Variants in DCAF8L2 observed in about 807,000 individuals in gnomAD.
DCAF8L2 encodes DDB1 and CUL4 associated factor 8 like 2.
For synonymous variants in DCAF8L2, 200 were observed against 190.9 expected (o/e 1.05, Z -0.39); for missense variants, 430 against 490.7 (o/e 0.88, Z 1.17).
the DCAF8L2 span, among the ~76,000 whole-genome samples, chrX:27,556,362 C>G: frequency 9.0e-6 from 1 of 111,480 alleles, no homozygotes; most frequent in African/African-American, 3.3e-5. Flanking sequence ...TATGTACCAG[C>G]ATTTCATTAA....
chrX:27,602,471 T>C (rs1926693859), intron 1 of DCAF8L2, among the ~76,000 whole-genome samples: 1 of 112,151 alleles, frequency 8.9e-6, no homozygotes, highest in Non-Finnish European at 1.9e-5. Context: ...AATATGATTC[T>C]AAGTCTCATA....
intron 3 of DCAF8L2, among the ~76,000 whole-genome samples, chrX:27,682,216 C>T (rs1039772115): frequency 1.6e-4 from 18 of 111,811 alleles, no homozygotes; most frequent in Non-Finnish European, 2.8e-4. Context: ...CCTCCTGCCT[C>T]GTCCTCCCAA....
At chrX:27,617,557 T>C (rs58662152) in intron 1 of DCAF8L2, among the ~76,000 whole-genome samples, 8,979 of 111,043 alleles carry the variant, frequency 0.081, 696 homozygotes, top group African/African-American at 0.24. Context: ...TCACAACATA[T>C]TTAAGAAAAT....
At chrX:27,537,636 T>A in the DCAF8L2 span, among the ~76,000 whole-genome samples, 1 of 112,267 alleles carries the variant, frequency 8.9e-6, no homozygotes, top group Non-Finnish European at 1.9e-5. Context: ...AATGCACTGA[T>A]GAAGGAACAT....
chrX:27,475,996 C>T, the DCAF8L2 span, among the ~76,000 whole-genome samples: 1 of 110,894 alleles, frequency 9.0e-6, no homozygotes. Context: ...TATAGGGGCA[C>T]ATGGGACAAC....
the DCAF8L2 span, among the ~76,000 whole-genome samples, chrX:27,542,202 T>G: frequency 9.0e-6 from 1 of 111,687 alleles, no homozygotes; most frequent in Admixed American, 9.5e-5. Context: ...TTTATTTTCC[T>G]TTGGCTATAT....
chrX:27,524,150 G>T, the DCAF8L2 span, among the ~76,000 whole-genome samples: 2 of 111,366 alleles, frequency 1.8e-5, no homozygotes, highest in Admixed American at 9.6e-5. Flanking sequence ...CTGTGAATCC[G>T]TCTGGTCCTG....
chrX:27,658,009 A>AT (rs1929416605), intron 2 of DCAF8L2, among the ~76,000 whole-genome samples: 1 of 112,441 alleles, frequency 8.9e-6, no homozygotes, highest in African/African-American at 3.2e-5. Flanking sequence ...TAATCCGTGC[A>AT]TTTTTTGTTG....
the DCAF8L2 span, among the ~76,000 whole-genome samples, chrX:27,502,787 T>G: frequency 9.0e-6 from 1 of 111,423 alleles, no homozygotes; most frequent in South Asian, 3.8e-4. Flanking sequence ...TTGGGAAAGA[T>G]ATTCAAGGGA....
At chrX:27,626,840 A>C in intron 1 of DCAF8L2, among the ~76,000 whole-genome samples, 1 of 111,678 alleles carries the variant, frequency 9.0e-6, no homozygotes, top group Non-Finnish European at 1.9e-5. Context: ...TAAGAGTCTA[A>C]AATTAAGTCT....
intron 3 of DCAF8L2, among the ~76,000 whole-genome samples, chrX:27,681,531 A>G (rs962482788): frequency 1.8e-5 from 2 of 111,887 alleles, no homozygotes; most frequent in African/African-American, 3.2e-5. Context: ...AATATACAGT[A>G]CATCTATTTC....
chrX:27,630,585 A>C (rs1454787231), intron 1 of DCAF8L2, among the ~76,000 whole-genome samples: 2 of 111,974 alleles, frequency 1.8e-5, no homozygotes, highest in Non-Finnish European at 3.8e-5. Flanking sequence ...TTAAAGGCTA[A>C]TATCGTTGAT....
At chrX:27,543,536 C>A in the DCAF8L2 span, among the ~76,000 whole-genome samples, 10 of 110,974 alleles carry the variant, frequency 9.0e-5, no homozygotes, top group East Asian at 2.8e-3. Flanking sequence ...CTGGATTATT[C>A]TTGGTCTCTC....
chrX:27,482,595 G>A, the DCAF8L2 span, among the ~76,000 whole-genome samples: 4 of 111,587 alleles, frequency 3.6e-5, no homozygotes, highest in Non-Finnish European at 1.9e-5. Flanking sequence ...TACCAGAAAA[G>A]AAAATCTGAT....
At chrX:27,680,505 C>CT (rs1930286457) in intron 3 of DCAF8L2, among the ~76,000 whole-genome samples, 1 of 111,899 alleles carries the variant, frequency 8.9e-6, no homozygotes, top group East Asian at 2.8e-4. Flanking sequence ...TAAAAAATAT[C>CT]TTAAGTACTG....
the DCAF8L2 span, chrX:27,518,106 A>C: frequency 5.9e-5 from 54 of 911,590 alleles, no homozygotes; most frequent in Non-Finnish European, 7.8e-5. Flanking sequence ...AATTAATTCA[A>C]GAAATAACCC....
the DCAF8L2 span, among the ~76,000 whole-genome samples, chrX:27,513,222 C>T: frequency 9.0e-6 from 1 of 111,730 alleles, no homozygotes; most frequent in Admixed American, 9.5e-5. Context: ...GCACAGGCAC[C>T]TAATGCAAAA....
intron 3 of DCAF8L2, among the ~76,000 whole-genome samples, chrX:27,682,951 C>T (rs1218836365): frequency 9.0e-6 from 1 of 110,580 alleles, no homozygotes; most frequent in Non-Finnish European, 1.9e-5. Context: ...CAAGCAGTAG[C>T]TGGCAACTAT....
At chrX:27,486,852 T>C in the DCAF8L2 span, among the ~76,000 whole-genome samples, 3 of 111,978 alleles carry the variant, frequency 2.7e-5, no homozygotes, top group Admixed American at 2.9e-4. Flanking sequence ...AGTTTTATAT[T>C]ACCTAGATAA....
Sources: allele counts gnomAD v4.1 joint callset (sites outside exome capture counted in the v4.1 genomes callset), GRCh38; gene constraint gnomAD v4.1.1; transcripts MANE v1.5; gene names NCBI Gene and HGNC (gene_info 2026-07-23, HGNC 2026-07-21).